The following ASPRV1 variants were observed in gnomAD, a reference collection of about 807,000 sequenced individuals.
The protein encoded by ASPRV1 is retroviral-like aspartic protease 1.
In ASPRV1, 7 loss-of-function variants were observed where a neutral mutation model predicts 11.0. The ratio of observed to expected loss-of-function variants is 0.64; its 90% CI spans 0.36 to 1.20. The LOEUF is 1.20. ASPRV1 is among the 50% of genes most tolerant of loss of function. The probability of loss-of-function intolerance (pLI) is 0.02; values close to 1 mark genes in which losing one functional copy is unlikely to be tolerated. For synonymous variants in ASPRV1, 136 were observed against 138.4 expected (o/e 0.98, Z 0.12); for missense variants, 299 against 320.0 (o/e 0.93, Z 0.50).
At chr2:70,022,381 ACAC>A in the ASPRV1 span, among the ~76,000 whole-genome samples, 1 of 139,360 alleles carries the variant, frequency 7.2e-6, no homozygotes, top group African/African-American at 2.7e-5. Flanking sequence ...ACACACACAC[ACAC>A]ACACACACAA....
At chr2:70,057,800 TG>T in the ASPRV1 span, among the ~76,000 whole-genome samples, 8 of 151,712 alleles carry the variant, frequency 5.3e-5, no homozygotes, top group East Asian at 1.9e-4. Context: ...TTTTTTGTTT[TG>T]TTTTTTTTTT....
At chr2:69,937,699 C>T in the ASPRV1 span, among the ~76,000 whole-genome samples, 17 of 152,302 alleles carry the variant, frequency 1.1e-4, no homozygotes, top group African/African-American at 3.8e-4. Flanking sequence ...ACTGCAACCT[C>T]CGCCTCCCGG....
chr2:69,937,953 G>A, the ASPRV1 span: 2 of 710,598 alleles, frequency 2.8e-6, no homozygotes, highest in Non-Finnish European at 4.6e-6. Context: ...CACTGTGTTG[G>A]CCCAGCTGGT....
At chr2:69,991,887 G>A in the ASPRV1 span, among the ~76,000 whole-genome samples, 1 of 152,184 alleles carries the variant, frequency 6.6e-6, no homozygotes, top group Admixed American at 6.5e-5. Flanking sequence ...TGCTCAGCAA[G>A]TTTCTCTTCT....
the ASPRV1 span, chr2:70,050,823 G>A: frequency 6.6e-6 from 1 of 152,016 alleles, no homozygotes; most frequent in South Asian, 2.1e-4. Flanking sequence ...GGCGCCTGTA[G>A]GCCCAGCTAC....
chr2:70,044,522 C>T, the ASPRV1 span, among the ~76,000 whole-genome samples: 2 of 152,156 alleles, frequency 1.3e-5, no homozygotes, highest in South Asian at 2.1e-4. Context: ...TGCAATGACA[C>T]GATCTCGGCT....
chr2:69,934,522 A>C, the ASPRV1 span, among the ~76,000 whole-genome samples: 1 of 152,214 alleles, frequency 6.6e-6, no homozygotes, highest in East Asian at 1.9e-4. Flanking sequence ...AAGTATAAAA[A>C]ATGACTCAGT....
At chr2:70,008,593 C>T in the ASPRV1 span, among the ~76,000 whole-genome samples, 1 of 151,878 alleles carries the variant, frequency 6.6e-6, no homozygotes, top group African/African-American at 2.4e-5. Context: ...TGGCCCAATG[C>T]AAATTTGTAA....
At chr2:70,048,893 T>C in the ASPRV1 span, 1 of 152,204 alleles carries the variant, frequency 6.6e-6, no homozygotes, top group Non-Finnish European at 1.5e-5. Context: ...TCTGCCTCCA[T>C]CTTCATGTGG....
At chr2:70,001,341 C>T in the ASPRV1 span, among the ~76,000 whole-genome samples, 1 of 152,046 alleles carries the variant, frequency 6.6e-6, no homozygotes, top group Admixed American at 6.5e-5. Flanking sequence ...CAAGCCTGGC[C>T]AACATGGTGA....
the ASPRV1 span, among the ~76,000 whole-genome samples, chr2:70,042,536 A>C: frequency 6.6e-6 from 1 of 152,314 alleles, no homozygotes; most frequent in Admixed American, 6.5e-5. Context: ...TCTAGGTAAA[A>C]GCCAAAATAA....
At chr2:70,048,599 G>A in the ASPRV1 span, 1 of 152,124 alleles carries the variant, frequency 6.6e-6, no homozygotes, top group Non-Finnish European at 1.5e-5. Context: ...GACTTCTCTG[G>A]GCCTCAGTTT....
the ASPRV1 span, among the ~76,000 whole-genome samples, chr2:70,040,828 C>T: frequency 2.0e-5 from 3 of 152,038 alleles, no homozygotes; most frequent in African/African-American, 7.2e-5. Context: ...AGTGAGACTC[C>T]GACTCAAAAC....
chr2:69,982,291 T>TAAA, the ASPRV1 span, among the ~76,000 whole-genome samples: 8 of 129,332 alleles, frequency 6.2e-5, no homozygotes, highest in African/African-American at 1.4e-4. Flanking sequence ...TCATCCCTAC[T>TAAA]AAAAAAAAAA....
At chr2:69,969,610 G>C in the ASPRV1 span, among the ~76,000 whole-genome samples, 1 of 151,892 alleles carries the variant, frequency 6.6e-6, no homozygotes, top group Non-Finnish European at 1.5e-5. Context: ...CACTCTCCAG[G>C]CCAGGGACAC....
the ASPRV1 span, among the ~76,000 whole-genome samples, chr2:70,082,751 G>A: frequency 1.3e-4 from 19 of 151,922 alleles, no homozygotes; most frequent in Non-Finnish European, 2.5e-4. Context: ...AAAATCAGCC[G>A]GCATGGTGGG....
the ASPRV1 span, among the ~76,000 whole-genome samples, chr2:69,984,581 A>AAATT: frequency 6.6e-6 from 1 of 151,394 alleles, no homozygotes; most frequent in East Asian, 1.9e-4. Flanking sequence ...TCCACACTTA[A>AAATT]AAGAGATAGA....
the ASPRV1 span, among the ~76,000 whole-genome samples, chr2:70,038,609 G>A: frequency 6.6e-6 from 1 of 152,054 alleles, no homozygotes; most frequent in Non-Finnish European, 1.5e-5. Context: ...AGCGTATGAA[G>A]CTCTTTATTC....
At chr2:69,974,875 G>T in the ASPRV1 span, among the ~76,000 whole-genome samples, 1 of 152,214 alleles carries the variant, frequency 6.6e-6, no homozygotes, top group Admixed American at 6.5e-5. Flanking sequence ...GCACAGAACC[G>T]TAAGGCTAGG....
Sources: allele counts gnomAD v4.1 joint callset (sites outside exome capture counted in the v4.1 genomes callset), GRCh38; gene constraint gnomAD v4.1.1; transcripts MANE v1.5; gene names NCBI Gene and HGNC (gene_info 2026-07-23, HGNC 2026-07-21).